The following TRIM36 variants were observed in gnomAD, a reference collection of about 807,000 sequenced individuals.
TRIM36 encodes the protein E3 ubiquitin-protein ligase TRIM36.
TRIM36 carries 42 observed loss-of-function variants against 72.4 expected under a neutral mutation model. The observed-to-expected ratio is 0.58, with a 90% confidence interval of 0.45 to 0.75. The LOEUF is 0.75. Among genes scored for constraint, TRIM36 ranks in the 30% least tolerant of loss-of-function variants. TRIM36 has a pLI of 0.00. For synonymous variants in TRIM36, 315 were observed against 282.8 expected (o/e 1.11, Z -1.14); for missense variants, 913 against 857.1 (o/e 1.07, Z -0.81).
At chr5:115,164,598 G>A (rs1754662589) in intron 1 of TRIM36, among the ~76,000 whole-genome samples, 1 of 152,084 alleles carries the variant, frequency 6.6e-6, no homozygotes, top group Non-Finnish European at 1.5e-5. Context: ...GAACAGCATG[G>A]GGAAAATCTA....
At chr5:115,128,083 A>G (rs1561416590) in intron 9 of TRIM36, among the ~76,000 whole-genome samples, 3 of 103,986 alleles carry the variant, frequency 2.9e-5, no homozygotes. Flanking sequence ...AGGCTATAAA[A>G]AAAATTGGGG....
At chr5:115,146,509 T>C (rs993143580) in intron 3 of TRIM36, among the ~76,000 whole-genome samples, 1 of 152,192 alleles carries the variant, frequency 6.6e-6, no homozygotes, top group Non-Finnish European at 1.5e-5. Context: ...TAAACTTCTT[T>C]TGAGCAATAT....
chr5:115,127,714 A>G (rs1752430672), intron 9 of TRIM36, among the ~76,000 whole-genome samples: 2 of 152,240 alleles, frequency 1.3e-5, no homozygotes, highest in Non-Finnish European at 2.9e-5. Flanking sequence ...ACAATTATGT[A>G]CATTATGTAA....
At position 115,169,828 on chromosome 5, in the gene TRIM36, G is replaced by T; in HGVS notation, c.-194C>A. ...CGGGGCAGGCAAAAGCACAGGCGCG[G>T]GAGAAGCGAGCTTTGCTCCCAGCGA... On this transcript the variant is annotated 5_prime_UTR_variant, in exon 1 of 10. Coordinates refer to ENST00000513154, the MANE Select transcript of TRIM36 (RefSeq NM_001300759.2). The T allele has an allele frequency of 7.5e-7, 1 of 1,324,586 alleles. No individual in the cohort carries two copies. The highest frequency in any genetic ancestry group is 1.9e-5 in the South Asian group (1 of 51,320). The allele number at this position is 1,324,586 out of a possible 1,614,324, so 82.1% of individuals were successfully genotyped here.
intron 2 of TRIM36, among the ~76,000 whole-genome samples, chr5:115,159,374 C>T (rs978293833): frequency 3.3e-5 from 5 of 152,074 alleles, no homozygotes; most frequent in Admixed American, 6.6e-5. Context: ...AAAACAAAAG[C>T]GGTATAAATC....
At chr5:115,152,863 A>G (rs1580681186) in intron 2 of TRIM36, among the ~76,000 whole-genome samples, 1 of 152,226 alleles carries the variant, frequency 6.6e-6, no homozygotes, top group African/African-American at 2.4e-5. Context: ...TGCTAAAAGG[A>G]GCTCTAAATC....
At chr5:115,173,302 C>T (rs181466868), upstream of TRIM36, among the ~76,000 whole-genome samples, 1 of 152,316 alleles carries the variant, frequency 6.6e-6, no homozygotes, top group East Asian at 1.9e-4. Context: ...CTTTCTCATC[C>T]TCACAGCTGA....
upstream of TRIM36, among the ~76,000 whole-genome samples, chr5:115,173,053 C>A (rs781320813): frequency 8.5e-5 from 13 of 152,158 alleles, no homozygotes; most frequent in African/African-American, 1.2e-4. Flanking sequence ...CCATTTTAAA[C>A]CACTGCTTTC....
intron 2 of TRIM36, among the ~76,000 whole-genome samples, chr5:115,162,630 T>C (rs1754542796): frequency 6.6e-6 from 1 of 152,212 alleles, no homozygotes; most frequent in Non-Finnish European, 1.5e-5. Context: ...TTGTTTTTGC[T>C]AAATATTAAC....
At chr5:115,170,127 C>T (rs1755030958), upstream of TRIM36, among the ~76,000 whole-genome samples, 1 of 152,216 alleles carries the variant, frequency 6.6e-6, no homozygotes, top group East Asian at 1.9e-4. Flanking sequence ...GCCACCTTCC[C>T]CCTACGCATC....
Position 115,130,788 on chromosome 5 carries a change from G to A in TRIM36, c.1600C>T (p.Leu534=). ...ACTTGGATGCGTTCTGCAGCAAGCA[G>A]AAGATTAAATCCAGCTCTACTCTCT... The part of the protein sequence containing the change: ...RVESRAGFNL[L]LAAERIQVGY... The change falls in exon 9 of 10, where the codon CTG becomes TTG. Residue 534 remains leucine (L), a synonymous_variant. Coordinates refer to ENST00000513154, the MANE Select transcript of TRIM36 (RefSeq NM_001300759.2). The A allele has an allele frequency of 2.5e-6, 4 of 1,614,106 alleles. No individual in the cohort carries two copies. Among genetic ancestry groups the A allele is most frequent in the Non-Finnish European group, 3.4e-6 (4 of 1,180,028 alleles).
chr5:115,170,993 C>A, upstream of TRIM36: 1 of 1,502,052 alleles, frequency 6.7e-7, no homozygotes, highest in South Asian at 1.3e-5. Context: ...AGATCACGCA[C>A]TGCCTTTCTG....
chr5:115,169,545 GAGAA>G (rs1754979120), intron 1 of TRIM36, 59 bp downstream of exon 1: 3 of 1,478,510 alleles, frequency 2.0e-6, no homozygotes, highest in Non-Finnish European at 2.7e-6. Context: ...GCGGAGGAAA[GAGAA>G]AGAGCCGCGG....
Position 115,133,930 on chromosome 5 carries a change from T to A in TRIM36, c.1428A>T (p.Val476=). ...LENSSTYAFR[V]RAYKGSICSP... ...TACAGATTGAACCCTTGTAAGCTCTTACTCTGAAAGCATAGGTACTACTGT... is the reference window on the plus strand; with the variant it reads ...TACAGATTGAACCCTTGTAAGCTCTAACTCTGAAAGCATAGGTACTACTGT... The change falls in exon 8 of 10, where the codon GTA becomes GTT. Residue 476 remains valine, a synonymous_variant. Transcript: ENST00000513154. 6.2e-7 allele frequency: 1 copy of A among 1,613,676 alleles called. No homozygotes were observed. Among genetic ancestry groups the A allele is most frequent in the East Asian group, 2.2e-5 (1 of 44,820 alleles).
chr5:115,168,515 T>C (rs1444439409), intron 1 of TRIM36, among the ~76,000 whole-genome samples: 1 of 152,266 alleles, frequency 6.6e-6, no homozygotes, highest in African/African-American at 2.4e-5. Flanking sequence ...AATTTTAAAA[T>C]GTATGCTAAC....
chr5:115,147,329 C>A lies in TRIM36; in HGVS notation c.328G>T (p.Val110Leu). 6.2e-7 allele frequency: 1 copy of A among 1,614,168 alleles called. No individual in the cohort carries two copies. The highest frequency in any genetic ancestry group is 8.5e-7 in the Non-Finnish European group (1 of 1,180,016). Residue 110 changes from valine (V) to leucine (L), a missense_variant, in exon 3 of 10, where the codon GTG (valine) becomes TTG (leucine). Coordinates refer to ENST00000513154, the MANE Select transcript of TRIM36 (RefSeq NM_001300759.2). Reference protein sequence around the residue: ...VFPCPGCEHDVDLGERGINGL... With the variant: ...VFPCPGCEHDLDLGERGINGL... ...TTGATTCCTCGTTCTCCAAGATCCA[C>A]ATCATGCTCACAGCCAGGGCAAGGG...
At chr5:115,172,117 G>T (rs954728638), upstream of TRIM36, among the ~76,000 whole-genome samples, 1 of 152,014 alleles carries the variant, frequency 6.6e-6, no homozygotes, top group Non-Finnish European at 1.5e-5. Flanking sequence ...ACCAAGTAAT[G>T]GTATCATTGC....
rs1752315942 is a variant in TRIM36 at position 115,125,159 on chromosome 5, A to G, written c.*1344T>C. 1 of 152,250 alleles carries G rather than the reference A, an allele frequency of 6.6e-6. No homozygotes were observed. The allele number at this position is 152,250 out of a possible 1,614,324, so 9.4% of individuals were successfully genotyped here. ...AAGGACAACCAAAAAAAACAGGCCT[A>G]AAAGTTTTGGTTACCCTGTTAAAAC... On this transcript the variant is annotated 3_prime_UTR_variant, in exon 10 of 10. Transcript: ENST00000513154.
At chr5:115,162,434 G>A (rs1057147648) in intron 2 of TRIM36, among the ~76,000 whole-genome samples, 5 of 152,166 alleles carry the variant, frequency 3.3e-5, no homozygotes, top group African/African-American at 1.2e-4. Context: ...TATTTATTAA[G>A]CATCTACAGA....
Sources: gnomAD v4.1 joint callset for allele counts (sites outside exome capture counted in the v4.1 genomes callset) on GRCh38, gnomAD v4.1.1 for gene constraint, MANE v1.5 for transcripts, NCBI Gene and HGNC (gene_info 2026-07-23, HGNC 2026-07-21) for gene names.